Variants in GLOD4 observed in about 807,000 individuals in gnomAD.
GLOD4 encodes the protein glyoxalase domain containing 4.
In GLOD4, 44 loss-of-function variants were observed where a neutral mutation model predicts 39.1. The observed-to-expected ratio is 1.13, with a 90% CI of 0.88 to 1.45. The LOEUF is 1.45. GLOD4 is among the 40% of genes most tolerant of loss of function. The probability of loss-of-function intolerance (pLI) is 0.00; values close to 1 mark genes in which losing one functional copy is unlikely to be tolerated. For synonymous variants in GLOD4, 145 were observed against 135.0 expected, an observed-to-expected ratio of 1.07 and a Z score of -0.52; for missense variants, 405 against 366.4, an observed-to-expected ratio of 1.11 and a Z score of -0.86.
At position 767,961 on chromosome 17, in the gene GLOD4, G is replaced by A. The variant is rs867017360; in HGVS notation, c.831+1908C>T. 4.2e-3 allele frequency among the ~76,000 whole-genome samples: 563 copies of A among 135,230 alleles called. 4 individuals are homozygous for A. The highest frequency in any genetic ancestry group is 0.032 in the East Asian group (135 of 4,174). 88.7% of individuals were successfully genotyped at this position (135,230 alleles called of 152,430 possible). A position where few individuals can be genotyped will look rare whatever the true frequency, so the allele number is the denominator to read the frequency against. Reference sequence around the variant, plus strand: ...AGGACGTAAGAGAGAGAAACAGCGCGCACTCAGATTTTTAGAAGAAATCTG... The same window carrying A: ...AGGACGTAAGAGAGAGAAACAGCGCACACTCAGATTTTTAGAAGAAATCTG... On this transcript the variant is annotated intron_variant, in intron 8 of 8. Coordinates refer to ENST00000301329, the MANE Select transcript of GLOD4 (RefSeq NM_016080.4).
intron 8 of GLOD4, among the ~76,000 whole-genome samples, chr17:769,213 G>C (rs1463828762): frequency 6.6e-6 from 1 of 151,684 alleles, no homozygotes; most frequent in African/African-American, 2.4e-5. Flanking sequence ...AGAGCTGAGG[G>C]GGTCAGATGG....
At chr17:783,173 C>G (rs1226351620), upstream of GLOD4, 1 of 1,614,088 alleles carries the variant, frequency 6.2e-7, no homozygotes, top group South Asian at 1.1e-5. Flanking sequence ...CAGACGCTCT[C>G]AAGGCTGGAG....
At position 767,633 on chromosome 17, in the gene GLOD4, C is replaced by T. The variant is rs57049750; in HGVS notation, c.831+2236G>A. Among the ~76,000 whole-genome samples, 4 of 149,028 alleles carry T rather than the reference C, an allele frequency of 2.7e-5. No homozygotes were observed. The East Asian group carries it at 7.9e-4, about 30-fold the overall frequency. On this transcript the variant is annotated intron_variant, in intron 8 of 8. Transcript: ENST00000301329. ...ACGTGAGAGAGAGAAACAGCACGCACTCAGATTTTTAGAAGAAGAAATCTG... is the reference window on the plus strand; with the variant it reads ...ACGTGAGAGAGAGAAACAGCACGCATTCAGATTTTTAGAAGAAGAAATCTG...
chr17:767,695 AT>A (rs1685558911), intron 8 of GLOD4, among the ~76,000 whole-genome samples: 1 of 151,286 alleles, frequency 6.6e-6, no homozygotes, highest in Non-Finnish European at 1.5e-5. Flanking sequence ...GCGCATTCAG[AT>A]TTTTAGAAGA....
chr17:769,338 C>A (rs931615572), intron 8 of GLOD4, among the ~76,000 whole-genome samples: 1 of 148,088 alleles, frequency 6.8e-6, no homozygotes, highest in East Asian at 2.0e-4. Flanking sequence ...GGGATGGAGG[C>A]ATCTCCATGC....
intron 8 of GLOD4, among the ~76,000 whole-genome samples, chr17:761,502 G>T (rs1905422380): frequency 6.6e-6 from 1 of 152,182 alleles, no homozygotes; most frequent in Non-Finnish European, 1.5e-5. Flanking sequence ...GAGAACCTAA[G>T]AAAGCTTTTT....
At chr17:770,673 T>C in intron 5 of GLOD4, 166 bp from the exon 6 acceptor site, 1 of 540,176 alleles carries the variant, frequency 1.9e-6, no homozygotes, top group Non-Finnish European at 3.3e-6. Flanking sequence ...TGTATCCTTC[T>C]AGAAGCACTG....
intron 4 of GLOD4, 50 bp from the exon 5 acceptor site, chr17:771,511 T>C (rs1907941920): frequency 2.6e-5 from 28 of 1,077,898 alleles, no homozygotes; most frequent in Non-Finnish European, 3.4e-5. Flanking sequence ...TAGAATAAAA[T>C]AGAAAGACCA....
chr17:777,666 C>T (rs1054539882), intron 2 of GLOD4: 4 of 152,164 alleles, frequency 2.6e-5, no homozygotes, highest in African/African-American at 4.8e-5. Flanking sequence ...ACTGGAAAGC[C>T]GCTGCTTCAT....
At chr17:766,875 G>C (rs952767242) in intron 8 of GLOD4, among the ~76,000 whole-genome samples, 1 of 152,148 alleles carries the variant, frequency 6.6e-6, no homozygotes, top group Non-Finnish European at 1.5e-5. Context: ...CTCCACCCTG[G>C]GCGACAGAGC....
At chr17:770,683 G>T in intron 5 of GLOD4, 176 bp from the exon 6 acceptor site, 2 of 479,132 alleles carry the variant, frequency 4.2e-6, no homozygotes, top group South Asian at 4.0e-5. Context: ...TAGAAGCACT[G>T]CACGCATCTA....
In GLOD4 at chr17:763,108, G is replaced by A. The variant is rs184037378; in HGVS notation, c.832-2870C>T. On this transcript the variant is annotated intron_variant, in intron 8 of 8. Transcript: ENST00000301329. ...TGAGGCAGGAGAATGGTGTGAACCC[G>A]GGAGGCGGAGCTTGCCGTGAGCCGA... 9.0e-3 allele frequency among the ~76,000 whole-genome samples: 1,362 copies of A among 151,770 alleles called. 21 individuals are homozygous for A. Among genetic ancestry groups the A allele is most frequent in the African/African-American group, 0.032 (1,306 of 41,328 alleles).
rs1906703623 is a variant in GLOD4 at position 767,058 on chromosome 17, C to T, written c.831+2811G>A. On this transcript the variant is annotated intron_variant, in intron 8 of 8. Transcript: ENST00000301329. ...ATTGCCTGCTTTAACGTTAATTGTG[C>T]ATCTACTATTATGTCAGTAATTTGC... 2.0e-5 allele frequency among the ~76,000 whole-genome samples: 3 copies of T among 152,182 alleles called. No homozygotes were observed. The South Asian group carries it at 6.2e-4, about 31-fold the overall frequency.
chr17:778,268 A>G, intron 2 of GLOD4: 1 of 280,784 alleles, frequency 3.6e-6, no homozygotes, highest in Non-Finnish European at 6.6e-6. Context: ...GAAATCCTGA[A>G]GATCCAGACT....
At chr17:774,749 G>T (rs1195813024) in intron 4 of GLOD4, among the ~76,000 whole-genome samples, 1 of 152,100 alleles carries the variant, frequency 6.6e-6, no homozygotes, top group Non-Finnish European at 1.5e-5. Context: ...AAGATTCTAG[G>T]AAAGTTTTTC....
intron 8 of GLOD4, among the ~76,000 whole-genome samples, chr17:768,388 G>C (rs572496388): frequency 2.8e-5 from 4 of 144,344 alleles, no homozygotes; most frequent in Non-Finnish European, 4.5e-5. Flanking sequence ...TGGAGAGGAC[G>C]TAAGAGAGAG....
intron 2 of GLOD4, chr17:778,288 G>A (rs533378617): frequency 1.5e-3 from 473 of 308,948 alleles, no homozygotes; most frequent in South Asian, 2.3e-3. Context: ...TGTGACCGGC[G>A]CCTGACGTGG....
chr17:782,402 G>A (rs777230447), upstream of GLOD4: 2 of 1,613,818 alleles, frequency 1.2e-6, no homozygotes, highest in Admixed American at 1.7e-5. Flanking sequence ...TGAGACCCGC[G>A]AGGTTTGTCG....
intron 5 of GLOD4, 154 bp downstream of exon 5, chr17:771,171 C>T (rs986372598): frequency 2.1e-5 from 11 of 535,598 alleles, no homozygotes; most frequent in Admixed American, 6.6e-5. Flanking sequence ...CACTTATTTT[C>T]TTCTGTTTAT....
Sources: allele counts gnomAD v4.1 joint callset (sites outside exome capture counted in the v4.1 genomes callset), GRCh38; gene constraint gnomAD v4.1.1; transcripts MANE v1.5; gene names NCBI Gene and HGNC (gene_info 2026-07-23, HGNC 2026-07-21).